The following RFC3 variants were observed in gnomAD, a reference collection of about 807,000 sequenced individuals.
RFC3 encodes replication factor C subunit 3.
In RFC3, 41 loss-of-function variants were observed where a neutral mutation model predicts 45.1. The observed-to-expected ratio is 0.91, with a 90% CI of 0.71 to 1.18. RFC3 has a LOEUF of 1.18. RFC3 is among the 50% of genes most tolerant of loss of function. The probability of loss-of-function intolerance (pLI) is 0.00; values close to 1 mark genes in which losing one functional copy is unlikely to be tolerated. For missense variants in RFC3, 423 were observed against 428.1 expected (o/e 0.99, Z 0.10); for synonymous variants, 149 against 144.0 (o/e 1.03, Z -0.25).
chr13:33,896,356 T>C (rs2082598493), intron 8 of RFC3, among the ~76,000 whole-genome samples: 1 of 151,958 alleles, frequency 6.6e-6, no homozygotes, highest in Non-Finnish European at 1.5e-5. Flanking sequence ...CAAGTAAGAT[T>C]ATCCCCAGGG....
chr13:33,916,465 A>T (rs568704719), intron 8 of RFC3, among the ~76,000 whole-genome samples: 22 of 152,270 alleles, frequency 1.4e-4, no homozygotes, highest in Middle Eastern at 3.4e-3. Flanking sequence ...GGACTGGATC[A>T]CACAAAGTCA....
chr13:33,976,853 C>A, the RFC3 span, among the ~76,000 whole-genome samples: 1 of 152,014 alleles, frequency 6.6e-6, no homozygotes, highest in African/African-American at 2.4e-5. Context: ...TGGCCTCCTT[C>A]CAAAGAGTTT....
intron 8 of RFC3, among the ~76,000 whole-genome samples, chr13:33,962,163 C>T (rs1174778014): frequency 6.6e-6 from 1 of 152,134 alleles, no homozygotes; most frequent in Non-Finnish European, 1.5e-5. Context: ...TCCCAAACTT[C>T]CTCTCCTTTC....
chr13:33,825,314 C>G (rs897730572), intron 3 of RFC3, among the ~76,000 whole-genome samples: 2 of 152,030 alleles, frequency 1.3e-5, no homozygotes, highest in African/African-American at 4.8e-5. Context: ...GAATCAGTTT[C>G]ATTCTAGTGC....
chr13:33,894,730 G>A (rs1420440633), intron 8 of RFC3, among the ~76,000 whole-genome samples: 2 of 151,892 alleles, frequency 1.3e-5, no homozygotes, highest in Non-Finnish European at 2.9e-5. Flanking sequence ...ATAATCTGGG[G>A]GTATCACATT....
chr13:33,969,408 G>A (rs377495249), downstream of RFC3, among the ~76,000 whole-genome samples: 14 of 152,274 alleles, frequency 9.2e-5, no homozygotes, highest in East Asian at 1.4e-3. Context: ...CACCTTGTTC[G>A]TTGCTCCCAA....
chr13:33,879,843 C>T (rs2082471345), intron 8 of RFC3, among the ~76,000 whole-genome samples: 3 of 152,140 alleles, frequency 2.0e-5, no homozygotes, highest in Non-Finnish European at 4.4e-5. Flanking sequence ...TTTGGAGACT[C>T]TAGGACAGAA....
intron 8 of RFC3, among the ~76,000 whole-genome samples, chr13:33,878,253 A>G (rs996345855): frequency 6.6e-6 from 1 of 152,228 alleles, no homozygotes; most frequent in Non-Finnish European, 1.5e-5. Flanking sequence ...AAATATTTTT[A>G]AATAAAATAA....
intron 8 of RFC3, chr13:33,848,202 A>G (rs1486761419): frequency 1.3e-5 from 2 of 152,180 alleles, no homozygotes; most frequent in African/African-American, 2.4e-5. Flanking sequence ...TTCCAGCCCA[A>G]AGTAGACCTT....
At chr13:33,959,442 C>T (rs2083042424) in intron 8 of RFC3, among the ~76,000 whole-genome samples, 2 of 152,154 alleles carry the variant, frequency 1.3e-5, no homozygotes, top group Non-Finnish European at 2.9e-5. Context: ...GACTTCATAG[C>T]TCCTGGCTTC....
At chr13:33,880,434 G>A (rs139882987) in intron 8 of RFC3, among the ~76,000 whole-genome samples, 1 of 152,258 alleles carries the variant, frequency 6.6e-6, no homozygotes, top group African/African-American at 2.4e-5. Context: ...GAATTAGTGA[G>A]TCATTGTGGG....
rs187841210 is a variant in RFC3, at chr13:33,947,383, C to T, written c.880-18704C>T. On this transcript the variant is annotated intron_variant, in intron 8 of 8. Coordinates refer to the RFC3 transcript ENST00000434425. ...GTTTCCTGAGGCCTCCTCAGCCATG[C>T]GAAACTATAAGTCAATTAAACCCCT... Among the ~76,000 whole-genome samples, 534 of 152,238 alleles carry T rather than the reference C, an allele frequency of 3.5e-3. 3 individuals carry two copies. Among genetic ancestry groups the T allele is most frequent in the African/African-American group, 0.012 (502 of 41,516 alleles).
chr13:33,894,603 G>A (rs2082585190), intron 8 of RFC3, among the ~76,000 whole-genome samples: 1 of 152,082 alleles, frequency 6.6e-6, no homozygotes, highest in African/African-American at 2.4e-5. Flanking sequence ...TGGCCTAAAA[G>A]CTCCAGTTGC....
intron 8 of RFC3, among the ~76,000 whole-genome samples, chr13:33,843,333 T>C (rs926461217): frequency 4.6e-5 from 7 of 152,136 alleles, no homozygotes; most frequent in African/African-American, 1.7e-4. Flanking sequence ...TTTGCAAAAA[T>C]AGTGGTCTCC....
intron 8 of RFC3, 190 bp downstream of exon 8, chr13:33,835,407 T>A (rs1230964529): frequency 1.4e-6 from 1 of 730,512 alleles, no homozygotes; most frequent in Non-Finnish European, 2.5e-6. Context: ...AGGGAGGGCC[T>A]GCCTAAAGTG....
At position 33,845,002 on chromosome 13, in the gene RFC3, G is replaced by T. The variant is rs57749466; in HGVS notation, c.879+9785G>T. ...AAATTCCTCAGCTTTTGTTTATCTGGGAAAGTCTATATTTCTCCTTAAATG... is the reference window on the plus strand; with the variant it reads ...AAATTCCTCAGCTTTTGTTTATCTGTGAAAGTCTATATTTCTCCTTAAATG... On this transcript the variant is annotated intron_variant, in intron 8 of 8. Coordinates refer to the RFC3 transcript ENST00000434425. Among the ~76,000 whole-genome samples the T allele has an allele frequency of 3.9e-3, 591 of 152,168 alleles. 6 individuals carry two copies. Among genetic ancestry groups the T allele is most frequent in the African/African-American group, 0.014 (576 of 41,512 alleles).
chr13:33,933,341 A>T (rs2082864470), intron 8 of RFC3, among the ~76,000 whole-genome samples: 1 of 152,236 alleles, frequency 6.6e-6, no homozygotes, highest in South Asian at 2.1e-4. Context: ...ATGAGCTCCT[A>T]TTGTGTTAAA....
At chr13:33,953,639 C>G (rs1432111847) in intron 8 of RFC3, among the ~76,000 whole-genome samples, 1 of 152,034 alleles carries the variant, frequency 6.6e-6, no homozygotes, top group African/African-American at 2.4e-5. Flanking sequence ...TGACATAATT[C>G]CCAAAGTCAG....
At position 33,829,970 on chromosome 13, in the gene RFC3, C is replaced by T. The variant is rs557799031; in HGVS notation, c.526C>T (p.Arg176Cys). Residue 176 changes from arginine (R) to cysteine (C), a missense_variant, in exon 5 of 9, where the codon CGT becomes TGT. Physicochemically the swap from Arg to Cys is radical, Grantham distance 180. Transcript: ENST00000380071. ...NSTSKVIPPI[R>C]SRCLAVRVPA... is the part of the protein sequence containing the mutation. ...TACATCTAAAGTGATCCCACCTATT[C>T]GTAGTAGGTGCTTGGCGGTTCGTGT... The T allele has an allele frequency of 4.8e-5, 77 of 1,613,956 alleles. No homozygotes were observed. The Admixed American group carries it at 1.1e-3, about 24-fold the overall frequency.
Sources: gnomAD v4.1 joint callset for allele counts (sites outside exome capture counted in the v4.1 genomes callset) on GRCh38, gnomAD v4.1.1 for gene constraint, MANE v1.5 for transcripts, NCBI Gene and HGNC (gene_info 2026-07-23, HGNC 2026-07-21) for gene names.